The following ARNT variants were observed in gnomAD, a reference collection of about 807,000 sequenced individuals.
The protein encoded by ARNT is aryl hydrocarbon receptor nuclear translocator.
Under a neutral mutation model 105.0 loss-of-function variants are expected in ARNT, and 30 were observed. The ratio of observed to expected loss-of-function variants is 0.29; its 90% CI spans 0.21 to 0.39. The LOEUF (loss-of-function observed/expected upper bound fraction) is 0.39. Among genes scored for constraint, ARNT ranks in the 10% least tolerant of loss-of-function variants. The pLI, the probability that ARNT is intolerant of heterozygous loss-of-function variation, is 1.00. For missense variants in ARNT, 748 were observed against 978.7 expected, an observed-to-expected ratio of 0.76 and a Z score of 3.15; for synonymous variants, 304 against 344.0, an observed-to-expected ratio of 0.88 and a Z score of 1.29.
At chr1:150,821,574 CATTT>C (rs1417599477) in intron 14 of ARNT, among the ~76,000 whole-genome samples, 1 of 152,202 alleles carries the variant, frequency 6.6e-6, no homozygotes, top group Non-Finnish European at 1.5e-5. Flanking sequence ...TGCATCTTTA[CATTT>C]GTTTACATTT....
chr1:150,812,016 T>C lies in ARNT; in HGVS notation c.*5A>G, dbSNP rs151211833. On this transcript the variant is annotated 3_prime_UTR_variant, in exon 22 of 22. Transcript: ENST00000358595. The stretch of plus-strand genomic sequence containing the variant: ...CCCCCACCCCTTATCCTCACCCCAA[T>C]AGTTCTATTCTGAAAAGGGGGGAAA... The C allele has an allele frequency of 9.7e-4, 1,485 of 1,534,978 alleles. 11 individuals are homozygous for C. In the African/African-American group the frequency reaches 0.018, roughly 18 times the overall value.
At chr1:150,840,779 C>T (rs191205373) in intron 5 of ARNT, among the ~76,000 whole-genome samples, 120 of 152,256 alleles carry the variant, frequency 7.9e-4, no homozygotes, top group African/African-American at 2.7e-3. Flanking sequence ...AAAATTAAGA[C>T]AGAAAGATAT....
chr1:150,872,624 T>C (rs587652834), intron 1 of ARNT, among the ~76,000 whole-genome samples: 1 of 152,296 alleles, frequency 6.6e-6, no homozygotes, highest in African/African-American at 2.4e-5. Flanking sequence ...CTCCCAACTG[T>C]TCCCTCAGCC....
intron 3 of ARNT, among the ~76,000 whole-genome samples, chr1:150,851,206 C>A (rs1663418534): frequency 6.7e-6 from 1 of 148,312 alleles, no homozygotes; most frequent in Admixed American, 6.7e-5. Flanking sequence ...GGGGGCCAGC[C>A]CCCGCCCGGC....
At chr1:150,868,823 G>A (rs1338312056) in intron 1 of ARNT, among the ~76,000 whole-genome samples, 2 of 151,980 alleles carry the variant, frequency 1.3e-5, no homozygotes, top group African/African-American at 4.8e-5. Context: ...GCTTAAACCC[G>A]GGAGGCAGAG....
In ARNT at chr1:150,811,482, A is replaced by G. The variant is rs1654721851; in HGVS notation, c.*539T>C. On this transcript the variant is annotated 3_prime_UTR_variant, in exon 22 of 22. Coordinates refer to ENST00000358595, the MANE Select transcript of ARNT (RefSeq NM_001668.4). ...CGCACACACACACACACACACATAC[A>G]CACACACTCTCTCTCACTTACTCAC... is the stretch of plus-strand genomic sequence containing the variant. 1 of 233,636 alleles carries G rather than the reference A, an allele frequency of 4.3e-6. No homozygotes were observed. The highest frequency in any genetic ancestry group is 8.5e-6 in the Non-Finnish European group (1 of 118,136). 14.5% of individuals were successfully genotyped at this position (233,636 alleles called of 1,614,324 possible). A position where few individuals can be genotyped will look rare whatever the true frequency, so the allele number is the denominator to read the frequency against.
At chr1:150,851,764 G>C in intron 3 of ARNT, among the ~76,000 whole-genome samples, 1 of 151,946 alleles carries the variant, frequency 6.6e-6, no homozygotes, top group African/African-American at 2.4e-5. Context: ...AGAGACCTTT[G>C]TTCACTTGTT....
At chr1:150,848,725 T>C (rs1431812930) in intron 3 of ARNT, among the ~76,000 whole-genome samples, 2 of 151,656 alleles carry the variant, frequency 1.3e-5, no homozygotes, top group Non-Finnish European at 2.9e-5. Flanking sequence ...ACAGATGGAG[T>C]TTTGCCATGT....
At chr1:150,845,438 T>TA (rs944496329) in intron 4 of ARNT, among the ~76,000 whole-genome samples, 7 of 150,942 alleles carry the variant, frequency 4.6e-5, no homozygotes, top group South Asian at 4.2e-4. Context: ...CCATCTCTGC[T>TA]AAAAAAAATT....
In ARNT at chr1:150,817,972, CT is replaced by C; in HGVS notation, c.1452del (p.Gly485ValfsTer47). 1 of 1,613,586 alleles carries C rather than the reference CT, an allele frequency of 6.2e-7. No homozygotes were observed. Among genetic ancestry groups the C allele is most frequent in the Non-Finnish European group, 8.5e-7 (1 of 1,179,936 alleles). On this transcript the variant is annotated frameshift_variant, in exon 15 of 22. Transcript: ENST00000358595. LOFTEE classifies it high-confidence loss of function. ...TLSNTIQRPQLGPTANLPLEM... is the reference protein window; with the variant it reads ...TLSNTIQRPQXGPTANLPLEM... ...TCCAGGGGTAAATTAGCTGTGGGAC[CT>C]AGTTGTGGCCTCTGGATTGTGTTGG... is the stretch of plus-strand genomic sequence containing the variant.
intron 1 of ARNT, among the ~76,000 whole-genome samples, chr1:150,859,937 G>A (rs915022590): frequency 6.6e-6 from 1 of 151,814 alleles, no homozygotes; most frequent in Non-Finnish European, 1.5e-5. Context: ...AGCCTGGGAA[G>A]TCGAGGCTGC....
chr1:150,827,827 C>T (rs1571252012), intron 12 of ARNT, among the ~76,000 whole-genome samples: 1 of 152,324 alleles, frequency 6.6e-6, no homozygotes, highest in African/African-American at 2.4e-5. Flanking sequence ...AGCTTCTACA[C>T]ATTTTCACCA....
At chr1:150,866,488 TTATTTA>T (rs1173089666) in intron 1 of ARNT, among the ~76,000 whole-genome samples, 2 of 152,122 alleles carry the variant, frequency 1.3e-5, no homozygotes, top group African/African-American at 4.8e-5. Flanking sequence ...CTGGGACACT[TTATTTA>T]AACAGAAACA....
At chr1:150,854,125 A>T (rs1216699310) in intron 2 of ARNT, among the ~76,000 whole-genome samples, 2 of 152,044 alleles carry the variant, frequency 1.3e-5, no homozygotes, top group Admixed American at 1.3e-4. Flanking sequence ...TCACTCTGTT[A>T]CTCAGGCTGG....
rs201833874 is a variant in ARNT at position 150,811,660 on chromosome 1, C to T, written c.*361G>A. The T allele has an allele frequency of 4.2e-6, 1 of 237,822 alleles. No homozygotes were observed. Among genetic ancestry groups the T allele is most frequent in the Non-Finnish European group, 8.2e-6 (1 of 121,428 alleles). The allele number at this position is 237,822 out of a possible 1,614,324, so 14.7% of individuals were successfully genotyped here. On this transcript the variant is annotated 3_prime_UTR_variant, in exon 22 of 22. Transcript: ENST00000358595. The stretch of plus-strand genomic sequence containing the variant: ...TCTCTTCAGAATTTCTTTCCAAAAA[C>T]AAGCCATACTATCCAAGGCAAACAG...
chr1:150,841,316 CAAAA>C (rs796670197), intron 5 of ARNT, among the ~76,000 whole-genome samples: 7 of 143,760 alleles, frequency 4.9e-5, no homozygotes, highest in Admixed American at 7.0e-5. Context: ...GTTCTTTGTC[CAAAA>C]AAAAAAGAAA....
rs745806292 is a variant in ARNT, at chr1:150,836,512, T to C, written c.487-19A>G. On this transcript the variant is annotated intron_variant, in intron 6 of 21. Coordinates refer to ENST00000358595, the MANE Select transcript of ARNT (RefSeq NM_001668.4). The stretch of plus-strand genomic sequence containing the variant: ...TCAGTTCCTGCGCAAGAAAAAGAAA[T>C]AGAAGTTAATATTTTACTCTGAAAA... The C allele has an allele frequency of 6.2e-7, 1 of 1,607,760 alleles. No individual in the cohort carries two copies. The highest frequency in any genetic ancestry group is 1.7e-5 in the Admixed American group (1 of 59,154).
chr1:150,828,915 T>C (rs921471474), intron 12 of ARNT, among the ~76,000 whole-genome samples, 178 bp downstream of exon 12: 3 of 152,242 alleles, frequency 2.0e-5, no homozygotes, highest in Non-Finnish European at 4.4e-5. Context: ...CATATTTCTC[T>C]ACATGAGATG....
chr1:150,819,870 G>A (rs990171273), intron 14 of ARNT, among the ~76,000 whole-genome samples: 1 of 152,100 alleles, frequency 6.6e-6, no homozygotes, highest in African/African-American at 2.4e-5. Context: ...ATAACTATGT[G>A]ATATACTAAA....
Sources: gnomAD v4.1 joint callset for allele counts (sites outside exome capture counted in the v4.1 genomes callset) on GRCh38, gnomAD v4.1.1 for gene constraint, MANE v1.5 for transcripts, NCBI Gene and HGNC (gene_info 2026-07-23, HGNC 2026-07-21) for gene names.